The following VGLL4 variants were observed in gnomAD, a reference collection of about 807,000 sequenced individuals.
The protein encoded by VGLL4 is vestigial like family member 4, also known as transcription cofactor vestigial-like protein 4.
A neutral mutation model predicts 21.0 loss-of-function variants in VGLL4; 7 were observed. That is an observed-to-expected ratio of 0.33 (90% confidence interval 0.19 to 0.63). The LOEUF (loss-of-function observed/expected upper bound fraction) is 0.63. VGLL4 is among the 20% of genes least tolerant of loss of function. VGLL4 has a pLI of 0.78. For synonymous variants in VGLL4, 222 were observed against 173.2 expected (o/e 1.28, Z -2.21); for missense variants, 394 against 425.7 (o/e 0.93, Z 0.66).
intron 2 of VGLL4, among the ~76,000 whole-genome samples, chr3:11,585,527 G>A (rs550875688): frequency 7.2e-5 from 11 of 152,082 alleles, no homozygotes; most frequent in Admixed American, 3.3e-4. Context: ...TCTCCCAAGA[G>A]AGAAATCTAT....
At chr3:11,583,981 A>G (rs1206144108) in intron 2 of VGLL4, among the ~76,000 whole-genome samples, 2 of 152,204 alleles carry the variant, frequency 1.3e-5, no homozygotes, top group Non-Finnish European at 1.5e-5. Context: ...CAATCATTCT[A>G]CCATCAAGAC....
intron 2 of VGLL4, among the ~76,000 whole-genome samples, chr3:11,693,610 T>C (rs1487525692): frequency 5.3e-5 from 8 of 152,180 alleles, no homozygotes; most frequent in Admixed American, 5.2e-4. Flanking sequence ...AATCAGTTCC[T>C]TTCCTTCAGT....
chr3:11,706,967 G>A (rs1435219882), intron 1 of VGLL4, among the ~76,000 whole-genome samples: 1 of 152,172 alleles, frequency 6.6e-6, no homozygotes, highest in Non-Finnish European at 1.5e-5. Context: ...ACAGGCAGTT[G>A]TCATCATCTG....
At chr3:11,622,123 C>T (rs2075275885) in intron 1 of VGLL4, among the ~76,000 whole-genome samples, 1 of 152,152 alleles carries the variant, frequency 6.6e-6, no homozygotes, top group Admixed American at 6.6e-5. Flanking sequence ...ATTATAGTTA[C>T]CTACAGCCTT....
At chr3:11,693,598 T>C (rs909700603) in intron 2 of VGLL4, among the ~76,000 whole-genome samples, 1 of 152,214 alleles carries the variant, frequency 6.6e-6, no homozygotes, top group African/African-American at 2.4e-5. Context: ...CCTTTTCCCC[T>C]GAATCAGTTC....
chr3:11,609,560 G>A (rs975729304), intron 1 of VGLL4, among the ~76,000 whole-genome samples: 4 of 152,214 alleles, frequency 2.6e-5, no homozygotes, highest in Admixed American at 2.0e-4. Flanking sequence ...ATGCAGATTC[G>A]ATTTTCATAG....
In VGLL4 at chr3:11,629,341, T is replaced by C. The variant is rs188123469; in HGVS notation, c.82+14096A>G. Among the ~76,000 whole-genome samples, 479 of 146,274 alleles carry C rather than the reference T, an allele frequency of 3.3e-3. 3 individuals carry two copies. Among genetic ancestry groups the C allele is most frequent in the African/African-American group, 0.012 (463 of 38,594 alleles). On this transcript the variant is annotated intron_variant, in intron 1 of 4. Coordinates refer to ENST00000430365, the MANE Select transcript of VGLL4 (RefSeq NM_001128219.3). ...TAAAAGCAGACAATAAGAAGAAATA[T>C]TCTTCCCAAAACATGTAGATTGAAA... is the stretch of plus-strand genomic sequence containing the variant.
rs2076242027 is a variant in VGLL4, at chr3:11,673,239, G to A, written c.64+29732C>T. Among the ~76,000 whole-genome samples, 7 of 152,038 alleles carry A rather than the reference G, an allele frequency of 4.6e-5. 1 individual carries two copies. In the South Asian group the frequency reaches 1.5e-3, roughly 32 times the overall value. ...AGAGGACACAGAGACTATACAAGAA[G>A]AAAATTAAAATATATATATATACCA... On this transcript the variant is annotated intron_variant, in intron 2 of 5. Coordinates refer to the VGLL4 transcript ENST00000273038.
At chr3:11,660,751 C>G (rs2076025833) in intron 2 of VGLL4, among the ~76,000 whole-genome samples, 1 of 152,060 alleles carries the variant, frequency 6.6e-6, no homozygotes, top group Admixed American at 6.5e-5. Flanking sequence ...TGGGCATAAA[C>G]TCAACATATA....
intron 1 of VGLL4, among the ~76,000 whole-genome samples, chr3:11,713,168 A>G (rs1440136515): frequency 1.3e-5 from 2 of 152,214 alleles, no homozygotes; most frequent in Non-Finnish European, 2.9e-5. Flanking sequence ...CCAACGGCTA[A>G]CTGTTAAGGT....
At chr3:11,716,706 C>T (rs2076923584) in intron 1 of VGLL4, among the ~76,000 whole-genome samples, 1 of 152,138 alleles carries the variant, frequency 6.6e-6, no homozygotes, top group African/African-American at 2.4e-5. Flanking sequence ...CTGGTTTTAG[C>T]ACCTCCTACA....
At chr3:11,589,050 AG>A (rs1441643618) in intron 2 of VGLL4, among the ~76,000 whole-genome samples, 2 of 152,164 alleles carry the variant, frequency 1.3e-5, no homozygotes, top group African/African-American at 4.8e-5. Flanking sequence ...CAGAGGTGGG[AG>A]GGGACCACAG....
In VGLL4 at chr3:11,719,821, A is replaced by G. The variant is rs999600323; in HGVS notation, c.-14+573T>C. 1.3e-5 allele frequency among the ~76,000 whole-genome samples: 2 copies of G among 151,802 alleles called. No individual in the cohort carries two copies. The highest frequency in any genetic ancestry group is 1.9e-4 in the East Asian group (1 of 5,132). ...CCCCGCCAGCTGCGCGCCCGGTGCC[A>G]GCTCGCACCTCCCGGGCCGATGCCG... On this transcript the variant is annotated intron_variant, in intron 1 of 5. Coordinates refer to the VGLL4 transcript ENST00000273038. This position sits in a 1 kb window ranked among gnomAD's most constrained non-coding sequence, Gnocchi z 4.0.
At chr3:11,618,612 C>T (rs1198056298) in intron 1 of VGLL4, among the ~76,000 whole-genome samples, 2 of 152,100 alleles carry the variant, frequency 1.3e-5, no homozygotes, top group East Asian at 3.8e-4. Flanking sequence ...TCGTAAGATC[C>T]TTATGCAAAA....
At chr3:11,717,972 G>A (rs933370603) in intron 1 of VGLL4, among the ~76,000 whole-genome samples, 14 of 151,666 alleles carry the variant, frequency 9.2e-5, no homozygotes, top group Non-Finnish European at 2.9e-5. Context: ...CAAGTCTCCA[G>A]AAATAATAAC....
intron 2 of VGLL4, among the ~76,000 whole-genome samples, chr3:11,683,968 T>A (rs527510099): frequency 3.3e-5 from 5 of 152,248 alleles, no homozygotes; most frequent in Non-Finnish European, 5.9e-5. Flanking sequence ...CCCAGAACTT[T>A]AGGAGGCCAA....
At chr3:11,628,426 G>T (rs1042381123) in intron 1 of VGLL4, among the ~76,000 whole-genome samples, 1 of 151,274 alleles carries the variant, frequency 6.6e-6, no homozygotes, top group Non-Finnish European at 1.5e-5. Flanking sequence ...ACATCGAATT[G>T]TACCCTAAAA....
At chr3:11,581,023 A>C (rs1161691005) in intron 2 of VGLL4, among the ~76,000 whole-genome samples, 1 of 151,678 alleles carries the variant, frequency 6.6e-6, no homozygotes, top group Non-Finnish European at 1.5e-5. Context: ...AGTGCTTTGC[A>C]TATACATTAT....
upstream of VGLL4, among the ~76,000 whole-genome samples, chr3:11,644,531 GT>G (rs374366060): frequency 1.3e-5 from 2 of 152,152 alleles, no homozygotes; most frequent in East Asian, 1.9e-4. Context: ...CTTTTAAAGT[GT>G]TTTTTCCCAC....
Sources: allele counts gnomAD v4.1 joint callset (sites outside exome capture counted in the v4.1 genomes callset), GRCh38; gene constraint gnomAD v4.1.1; non-coding constraint Gnocchi (gnomAD v3.1); transcripts MANE v1.5; gene names NCBI Gene and HGNC (gene_info 2026-07-23, HGNC 2026-07-21).